CHAD: variants seen among roughly 807,000 people sequenced by gnomAD.
The protein encoded by CHAD is cartilage leucine-rich protein.
Under a neutral mutation model 24.0 loss-of-function variants are expected in CHAD, and 18 were observed. That is an observed-to-expected ratio of 0.75 (90% CI 0.52 to 1.11). The LOEUF is 1.11. Ranked by LOEUF, CHAD falls within the 50% of genes most tolerant of loss-of-function variation. The pLI, the probability that CHAD is intolerant of heterozygous loss-of-function variation, is 0.00. For synonymous variants in CHAD, 195 were observed against 211.6 expected (o/e 0.92, Z 0.68); for missense variants, 440 against 467.2 (o/e 0.94, Z 0.54).
In CHAD at chr17:50,464,778, G is replaced by GGGC. The variant is rs1555611978; in HGVS notation, c.*275_*276insGCC. On this transcript the variant is annotated 3_prime_UTR_variant, in exon 4 of 4. Transcript: ENST00000508540. Reference sequence around the variant, plus strand: ...GTGGTTCTGATTGACTTGGGGGGGGGGTCTCAGCAACAGCTTCTCCAAGAG... The same window carrying GGGC: ...GTGGTTCTGATTGACTTGGGGGGGGGGGCGTCTCAGCAACAGCTTCTCCAAGAG... 4 of 318,910 alleles carry GGGC rather than the reference G, an allele frequency of 1.3e-5. No individual in the cohort carries two copies. Among genetic ancestry groups the GGGC allele is most frequent in the South Asian group, 7.2e-5 (3 of 41,812 alleles). 19.8% of individuals were successfully genotyped at this position (318,910 alleles called of 1,614,324 possible). A position where few individuals can be genotyped will look rare whatever the true frequency, so the allele number is the denominator to read the frequency against.
intron 1 of CHAD, 124 bp from the exon 2 acceptor site, chr17:50,465,994 A>T: frequency 3.9e-6 from 4 of 1,034,378 alleles, no homozygotes; most frequent in Non-Finnish European, 5.8e-6. Context: ...GGAGTTTCCC[A>T]GTTTTCAAAG....
intron 1 of CHAD, 133 bp downstream of exon 1, chr17:50,467,907 G>A (rs1192212269): frequency 4.7e-6 from 4 of 856,850 alleles, no homozygotes; most frequent in Non-Finnish European, 7.1e-6. Context: ...AGGTGGCAGA[G>A]CTGCTCACCT....
Position 50,465,306 on chromosome 17 carries a change from G to A in CHAD, c.1072C>T (p.Arg358Cys), listed in dbSNP as rs148646321. 30 of 1,613,982 alleles carry A rather than the reference G, an allele frequency of 1.9e-5. No homozygotes were observed. The highest frequency in any genetic ancestry group is 3.3e-5 in the Admixed American group (2 of 59,994). The change falls in exon 3 of 4, where the codon CGC (arginine) becomes TGC (cysteine). Residue 358 changes from arginine to cysteine, a missense_variant. Arg to Cys is a radical substitution (Grantham distance 180). Transcript: ENST00000508540. The stretch of plus-strand genomic sequence containing the variant: ...ACCTGGCCCCCACCTGTTTAATGGC[G>A]GCCAGCTTTCTTGGACCTCTTGGTG... ...FPTKRSKKAG[R>C]H is the part of the protein sequence containing the mutation.
In CHAD at chr17:50,464,779, G is replaced by GGGC; in HGVS notation, c.*274_*275insGCC. 7.7e-6 allele frequency: 2 copies of GGGC among 259,844 alleles called. No homozygotes were observed. The highest frequency in any genetic ancestry group is 2.5e-5 in the South Asian group (1 of 39,470). 16.1% of individuals were successfully genotyped at this position (259,844 alleles called of 1,614,324 possible). ...TGGTTCTGATTGACTTGGGGGGGGG[G>GGGC]TCTCAGCAACAGCTTCTCCAAGAGG... On this transcript the variant is annotated 3_prime_UTR_variant, in exon 4 of 4. Transcript: ENST00000508540.
In CHAD at chr17:50,464,718, C is replaced by T. The variant is rs1354162361; in HGVS notation, c.*336G>A. 2.5e-6 allele frequency: 1 copy of T among 395,158 alleles called. No individual in the cohort carries two copies. The highest frequency in any genetic ancestry group is 2.4e-5 in the African/African-American group (1 of 42,178). 24.5% of individuals were successfully genotyped at this position (395,158 alleles called of 1,614,324 possible). ...GAAAGAGGAACAGAGGAAGGATGAT[C>T]CTGGGAGGGTGGCCATCCTGATGAC... On this transcript the variant is annotated 3_prime_UTR_variant, in exon 4 of 4. Transcript: ENST00000508540.
chr17:50,466,808 C>T (rs1357437741), intron 1 of CHAD, among the ~76,000 whole-genome samples: 1 of 152,224 alleles, frequency 6.6e-6, no homozygotes, highest in African/African-American at 2.4e-5. Context: ...TGTCTGGCCT[C>T]CCCTGCCCCA....
At position 50,465,755 on chromosome 17, in the gene CHAD, A is replaced by C; in HGVS notation, c.890T>G (p.Leu297Arg). ...GGTACACTTCCAGGGGTTATTGGTAAGGGCGAGGGTCTCCAGGCTGTCGAA... is the reference window on the plus strand; with the variant it reads ...GGTACACTTCCAGGGGTTATTGGTACGGGCGAGGGTCTCCAGGCTGTCGAA... ...FPFDSLETLA[L>R]TNNPWKCTCQ... The change falls in exon 2 of 4, where the codon CTT becomes CGT. Residue 297 changes from leucine (L) to arginine (R), a missense_variant. Coordinates refer to ENST00000508540, the MANE Select transcript of CHAD (RefSeq NM_001267.3). The C allele has an allele frequency of 6.2e-7, 1 of 1,613,716 alleles. No individual in the cohort carries two copies. The highest frequency in any genetic ancestry group is 8.5e-7 in the Non-Finnish European group (1 of 1,179,944).
rs1491226384 is a variant in CHAD, at chr17:50,464,777, G to GGA, written c.*276_*277insTC. The GGA allele has an allele frequency of 3.3e-5, 11 of 331,046 alleles. No individual in the cohort carries two copies. The highest frequency in any genetic ancestry group is 2.2e-4 in the African/African-American group (9 of 41,372). The allele number at this position is 331,046 out of a possible 1,614,324, so 20.5% of individuals were successfully genotyped here. ...TGTGGTTCTGATTGACTTGGGGGGG[G>GGA]GGTCTCAGCAACAGCTTCTCCAAGA... On this transcript the variant is annotated 3_prime_UTR_variant, in exon 4 of 4. Coordinates refer to ENST00000508540, the MANE Select transcript of CHAD (RefSeq NM_001267.3).
intron 1 of CHAD, 77 bp downstream of exon 1, chr17:50,467,963 C>T: frequency 6.9e-7 from 1 of 1,454,164 alleles, no homozygotes; most frequent in Non-Finnish European, 9.3e-7. Flanking sequence ...GGGGATGGTG[C>T]CAGCTGTGGC....
intron 1 of CHAD, among the ~76,000 whole-genome samples, chr17:50,467,002 C>T (rs190954878): frequency 6.6e-6 from 1 of 152,342 alleles, no homozygotes; most frequent in African/African-American, 2.4e-5. Context: ...CATCTCCACA[C>T]CCGCACCCTT....
intron 3 of CHAD, 32 bp downstream of exon 3, chr17:50,465,262 G>C (rs747134942): frequency 3.7e-6 from 6 of 1,613,262 alleles, no homozygotes; most frequent in Non-Finnish European, 5.1e-6. Flanking sequence ...CACCAAAGAG[G>C]GACATAGGGG....
Position 50,467,924 on chromosome 17 carries a change from T to C in CHAD, c.774+116A>G, listed in dbSNP as rs1314556237. The C allele has an allele frequency of 3.7e-6, 4 of 1,071,366 alleles. No homozygotes were observed. The African/African-American group carries it at 6.4e-5, about 17-fold the overall frequency. The allele number at this position is 1,071,366 out of a possible 1,614,324, so 66.4% of individuals were successfully genotyped here. A position where few individuals can be genotyped will look rare whatever the true frequency, so the allele number is the denominator to read the frequency against. On this transcript the variant is annotated intron_variant, in intron 1 of 3. Coordinates refer to ENST00000508540, the MANE Select transcript of CHAD (RefSeq NM_001267.3). ...GTGGCAGAGCTGCTCACCTTGGAGA[T>C]AGCCAGAGGGACAGGGAACCTGGGG...
rs1419595531 is a variant in CHAD, at chr17:50,468,677, ATCT to A, written c.134_136del (p.Lys45del). 5 of 1,613,864 alleles carry A rather than the reference ATCT, an allele frequency of 3.1e-6. No homozygotes were observed. ...CTTGGTCTTCTCTGACACCTTGGGG[ATCT>A]TCTGCAGCCCCACCTTGTCGCAGAT... On this transcript the variant is annotated inframe_deletion, in exon 1 of 4. Coordinates refer to ENST00000508540, the MANE Select transcript of CHAD (RefSeq NM_001267.3).
chr17:50,467,798 C>A (rs138899407), intron 1 of CHAD: 1 of 477,030 alleles, frequency 2.1e-6, no homozygotes, highest in Non-Finnish European at 3.7e-6. Context: ...GGGGCCAGGG[C>A]AGTCCCACTC....
Position 50,468,630 on chromosome 17 carries a change from T to C in CHAD, c.184A>G (p.Asn62Asp). Residue 62 changes from asparagine (N) to aspartate (D), a missense_variant, in exon 1 of 4, where the codon AAC becomes GAC. Coordinates refer to ENST00000508540, the MANE Select transcript of CHAD (RefSeq NM_001267.3). ...GAATTGGCAGCCAGCACCGGGAAGT[T>C]GTTGCGCTGTAGGTTGAGCAGCTTG... ...KTKLLNLQRN[N>D]FPVLAANSFR... The C allele has an allele frequency of 6.2e-7, 1 of 1,614,176 alleles. No homozygotes were observed. The highest frequency in any genetic ancestry group is 8.5e-7 in the Non-Finnish European group (1 of 1,180,028).
intron 1 of CHAD, among the ~76,000 whole-genome samples, chr17:50,466,076 T>C (rs531064876): frequency 9.7e-4 from 136 of 139,808 alleles, no homozygotes; most frequent in African/African-American, 3.3e-3. Context: ...TTATTTTCTT[T>C]TTTTTTTTTT....
intron 3 of CHAD, 27 bp from the exon 4 acceptor site, chr17:50,465,076 G>C (rs934544685): frequency 6.8e-6 from 4 of 588,278 alleles, no homozygotes; most frequent in Non-Finnish European, 1.2e-5. Context: ...ATCGATGTCA[G>C]TACTCCAACA....
At chr17:50,468,016 C>T in intron 1 of CHAD, 24 bp downstream of exon 1, 1 of 1,553,818 alleles carries the variant, frequency 6.4e-7, no homozygotes, top group Admixed American at 1.8e-5. Context: ...GGAACCAGGG[C>T]AGAGCCCACA....
Position 50,468,240 on chromosome 17 carries a change from C to T in CHAD, c.574G>A (p.Asp192Asn), listed in dbSNP as rs757839489. Residue 192 changes from aspartate to asparagine, a missense_variant, in exon 1 of 4, where the codon GAC becomes AAC. Asp to Asn is a conservative substitution (Grantham distance 23, BLOSUM62 1). Coordinates refer to ENST00000508540, the MANE Select transcript of CHAD (RefSeq NM_001267.3). The stretch of plus-strand genomic sequence containing the variant: ...AATTTGGCGAGGTTCTCCACGTCGT[C>T]CAGGGCCCCGGGCTGCAGGGAGCTC... ...ALSSLQPGAL[D>N]DVENLAKFHV... The T allele has an allele frequency of 1.9e-6, 3 of 1,612,228 alleles. No homozygotes were observed. In the African/African-American group the frequency reaches 4.0e-5, roughly 22 times the overall value.
Sources: allele counts gnomAD v4.1 joint callset (sites outside exome capture counted in the v4.1 genomes callset), GRCh38; gene constraint gnomAD v4.1.1; transcripts MANE v1.5; gene names NCBI Gene and HGNC (gene_info 2026-07-23, HGNC 2026-07-21).